RPS20: variants seen among roughly 807,000 people sequenced by gnomAD.
RPS20 encodes ribosomal protein S20.
Under a neutral mutation model 15.3 loss-of-function variants are expected in RPS20, and 3 were observed. The ratio of observed to expected loss-of-function variants is 0.20; its 90% CI spans 0.09 to 0.51. RPS20 has a LOEUF of 0.51. Ranked by LOEUF, RPS20 falls within the 20% of genes least tolerant of loss-of-function variation. The pLI is 0.96. For missense variants in RPS20, 67 were observed against 145.9 expected, an observed-to-expected ratio of 0.46 and a Z score of 2.79; for synonymous variants, 62 against 47.8, an observed-to-expected ratio of 1.30 and a Z score of -1.23.
In RPS20 at chr8:56,074,090, T is replaced by C. The variant is rs1345087538; in HGVS notation, c.73A>G (p.Thr25Ala). 6.2e-7 allele frequency: 1 copy of C among 1,613,674 alleles called. No individual in the cohort carries two copies. The highest frequency in any genetic ancestry group is 1.7e-5 in the Admixed American group (1 of 59,996). The change falls in exon 2 of 4, where the codon ACA (threonine) becomes GCA (alanine). Residue 25 changes from threonine (T) to alanine (A), a missense_variant. Transcript: ENST00000009589. ...TCCAAGGATTTTACGTTGCGGCTTG[T>C]TAGGGTGATTCGAATTCGGTGAATT... ...VAIHRIRITL[T>A]SRNVKSLEKV...
intron 2 of RPS20, 117 bp downstream of exon 2, chr8:56,073,943 T>C (rs1235008162): frequency 8.8e-7 from 1 of 1,137,414 alleles, no homozygotes; most frequent in Non-Finnish European, 1.3e-6. Flanking sequence ...CGCTTTACTT[T>C]TTTAAGTAAC....
downstream of RPS20, among the ~76,000 whole-genome samples, chr8:56,072,026 G>T (rs908137800): frequency 2.1e-4 from 32 of 152,118 alleles, 1 homozygote; most frequent in Admixed American, 2.0e-3. Context: ...CTGATGGTTT[G>T]AGTCTTCAGA....
At chr8:56,067,762 G>A (rs1172543112) in exon 6 of RPS20, 1 of 151,372 alleles carries the variant, frequency 6.6e-6, no homozygotes, top group Admixed American at 6.6e-5. Flanking sequence ...TAAATAAAAT[G>A]TCAGTCACAA....
At chr8:56,069,841 T>C (rs542757385), downstream of RPS20, 45 of 1,400,582 alleles carry the variant, frequency 3.2e-5, 2 homozygotes, top group African/African-American at 4.7e-4. Context: ...CAACTGTAGA[T>C]CAAAAGTATT....
At chr8:56,072,535 G>A (rs1325268530), downstream of RPS20, among the ~76,000 whole-genome samples, 18 of 146,326 alleles carry the variant, frequency 1.2e-4, no homozygotes, top group Admixed American at 1.0e-3. Context: ...CTGGGCCACA[G>A]AGCAAAACGC....
chr8:56,070,614 C>T (rs888486350), downstream of RPS20, among the ~76,000 whole-genome samples: 1 of 151,956 alleles, frequency 6.6e-6, no homozygotes, highest in Non-Finnish European at 1.5e-5. Flanking sequence ...GCCTGTAGTC[C>T]CAGCTACTTG....
chr8:56,068,688 A>G (rs568086790), downstream of RPS20, among the ~76,000 whole-genome samples: 1 of 151,856 alleles, frequency 6.6e-6, no homozygotes, highest in African/African-American at 2.4e-5. Context: ...TTTGTATACC[A>G]GATATATGAT....
intron 1 of RPS20, 79 bp downstream of exon 1, chr8:56,074,302 A>G: frequency 1.3e-6 from 2 of 1,543,778 alleles, no homozygotes; most frequent in Non-Finnish European, 8.7e-7. Flanking sequence ...ATCTGCCCTC[A>G]GGAGCACGAA....
chr8:56,074,500 C>T lies in RPS20; in HGVS notation c.-117G>A, dbSNP rs73679777. 2.5e-6 allele frequency: 3 copies of T among 1,181,564 alleles called. No individual in the cohort carries two copies. The highest frequency in any genetic ancestry group is 2.8e-5 in the South Asian group (2 of 71,622). 73.2% of individuals were successfully genotyped at this position (1,181,564 alleles called of 1,614,324 possible). ...TCAGCCCTTACGACCGCGTCTTCCTCAAAAAGAAAGGGGTGGGACTTGAGC... is the reference window on the plus strand; with the variant it reads ...TCAGCCCTTACGACCGCGTCTTCCTTAAAAAGAAAGGGGTGGGACTTGAGC... On this transcript the variant is annotated 5_prime_UTR_variant, in exon 1 of 4. Coordinates refer to ENST00000009589, the MANE Select transcript of RPS20 (RefSeq NM_001023.4).
chr8:56,069,127 C>A (rs1487962495), downstream of RPS20, among the ~76,000 whole-genome samples: 2 of 151,890 alleles, frequency 1.3e-5, no homozygotes, highest in Non-Finnish European at 2.9e-5. Flanking sequence ...GTTTACAGAA[C>A]AAAAGGTATA....
At chr8:56,073,926 T>TAG (rs1809845948) in intron 2 of RPS20, 134 bp downstream of exon 2, 2 of 1,102,462 alleles carry the variant, frequency 1.8e-6, no homozygotes, top group Non-Finnish European at 2.8e-6. Flanking sequence ...AAAGCAATTT[T>TAG]AAGCCACGCT....
chr8:56,070,751 A>G (rs891474221), downstream of RPS20, among the ~76,000 whole-genome samples: 2 of 152,044 alleles, frequency 1.3e-5, no homozygotes, highest in African/African-American at 4.8e-5. Flanking sequence ...AAAAAAAAAA[A>G]AAAATTCTGA....
chr8:56,073,479 A>C (rs1241848058), intron 3 of RPS20: 7 of 633,210 alleles, frequency 1.1e-5, no homozygotes, highest in Non-Finnish European at 2.0e-5. Context: ...TGCGCCTGTT[A>C]AGCACCAAAG....
chr8:56,074,416 T>A lies in RPS20; in HGVS notation c.-33A>T. The A allele has an allele frequency of 6.4e-7, 1 of 1,552,934 alleles. No homozygotes were observed. The highest frequency in any genetic ancestry group is 1.8e-4 in the Middle Eastern group (1 of 5,502). On this transcript the variant is annotated 5_prime_UTR_variant, in exon 1 of 4. Transcript: ENST00000009589. ...GCGCGCGGGCTTCCTGACCGACTTGTTCCTCGGCGAGAGCGAACAGCGGTG... is the reference window on the plus strand; with the variant it reads ...GCGCGCGGGCTTCCTGACCGACTTGATCCTCGGCGAGAGCGAACAGCGGTG...
intron 1 of RPS20, 54 bp from the exon 2 acceptor site, chr8:56,074,213 T>C (rs754720232): frequency 6.4e-7 from 1 of 1,553,006 alleles, no homozygotes; most frequent in South Asian, 1.1e-5. Context: ...CTGCCACTTC[T>C]GGAGAAAGGC....
At chr8:56,074,197 A>C (rs764709548) in intron 1 of RPS20, 38 bp from the exon 2 acceptor site, 8 of 1,574,892 alleles carry the variant, frequency 5.1e-6, no homozygotes, top group Non-Finnish European at 6.1e-6. Flanking sequence ...ATAAGCCAAA[A>C]ATGGTCTGCC....
At chr8:56,073,823 G>C (rs993306716) in intron 2 of RPS20, 55 bp from the exon 3 acceptor site, 2 of 1,494,160 alleles carry the variant, frequency 1.3e-6, no homozygotes, top group African/African-American at 1.4e-5. Context: ...ATCGGCTTAA[G>C]GCCTTCACTT....
Position 56,074,400 on chromosome 8 carries a change from C to G in RPS20, c.-17G>C, listed in dbSNP as rs770592081. 6 of 1,558,134 alleles carry G rather than the reference C, an allele frequency of 3.9e-6. No individual in the cohort carries two copies. In the South Asian group the frequency reaches 5.8e-5, roughly 15 times the overall value. On this transcript the variant is annotated 5_prime_UTR_variant, in exon 1 of 4. Coordinates refer to ENST00000009589, the MANE Select transcript of RPS20 (RefSeq NM_001023.4). ...CCTCACCATGGCTGTTGCGCGCGGG[C>G]TTCCTGACCGACTTGTTCCTCGGCG...
chr8:56,067,870 A>G (rs1809653584), exon 6 of RPS20: 1 of 151,964 alleles, frequency 6.6e-6, no homozygotes, highest in Non-Finnish European at 1.5e-5. Flanking sequence ...GTTCAGGGTG[A>G]AAAAAAAGGG....
Sources: allele counts gnomAD v4.1 joint callset (sites outside exome capture counted in the v4.1 genomes callset), GRCh38; gene constraint gnomAD v4.1.1; transcripts MANE v1.5; gene names NCBI Gene and HGNC (gene_info 2026-07-23, HGNC 2026-07-21).